Variants in PTGER3 observed in about 807,000 individuals in gnomAD.
PTGER3 encodes the protein prostaglandin E receptor 3.
In PTGER3, 22 loss-of-function variants were observed where a neutral mutation model predicts 34.7. The ratio of observed to expected loss-of-function variants is 0.63; its 90% CI spans 0.45 to 0.91. The LOEUF (loss-of-function observed/expected upper bound fraction) is 0.91. PTGER3 is among the 40% of genes least tolerant of loss of function. The pLI is 0.00. For synonymous variants in PTGER3, 241 were observed against 230.1 expected, an observed-to-expected ratio of 1.05 and a Z score of -0.43; for missense variants, 468 against 519.4, an observed-to-expected ratio of 0.90 and a Z score of 0.96.
intron 4 of PTGER3, among the ~76,000 whole-genome samples, chr1:70,889,587 A>T (rs1646573318): frequency 6.6e-6 from 1 of 152,166 alleles, no homozygotes; most frequent in Non-Finnish European, 1.5e-5. Context: ...TTCAGAGAAA[A>T]TTAAATGACC....
chr1:70,881,734 T>C (rs17131476), intron 4 of PTGER3, among the ~76,000 whole-genome samples: 18,249 of 152,168 alleles, frequency 0.12, 2,358 homozygotes, highest in African/African-American at 0.3. Flanking sequence ...TGTGTTTCTT[T>C]TGTTGGGTGT....
At chr1:70,919,765 A>G (rs1001050737) in intron 4 of PTGER3, among the ~76,000 whole-genome samples, 6 of 152,162 alleles carry the variant, frequency 3.9e-5, no homozygotes, top group African/African-American at 1.4e-4. Context: ...TGGAATTACT[A>G]TTCTATACTC....
At chr1:70,978,772 G>C (rs1653956259) in intron 2 of PTGER3, among the ~76,000 whole-genome samples, 1 of 152,116 alleles carries the variant, frequency 6.6e-6, no homozygotes, top group Non-Finnish European at 1.5e-5. Context: ...CACCATGCCA[G>C]CTGCCACCAA....
chr1:70,856,304 G>A (rs1407969441), intron 4 of PTGER3, among the ~76,000 whole-genome samples: 1 of 152,048 alleles, frequency 6.6e-6, no homozygotes, highest in Non-Finnish European at 1.5e-5. Flanking sequence ...GCTGGGTGTG[G>A]TGGCAGGGGC....
intron 4 of PTGER3, among the ~76,000 whole-genome samples, chr1:70,920,740 T>A (rs1647443176): frequency 6.6e-6 from 1 of 152,196 alleles, no homozygotes; most frequent in Non-Finnish European, 1.5e-5. Context: ...ACAAGGTAAA[T>A]GTTTCTGTTT....
chr1:70,961,110 CA>C (rs1308549363), intron 2 of PTGER3, among the ~76,000 whole-genome samples: 1 of 152,152 alleles, frequency 6.6e-6, no homozygotes, highest in African/African-American at 2.4e-5. Flanking sequence ...TGGACTGTAA[CA>C]ATGTCAAACC....
At chr1:70,910,583 T>C (rs893041245) in intron 4 of PTGER3, among the ~76,000 whole-genome samples, 3 of 152,096 alleles carry the variant, frequency 2.0e-5, no homozygotes, top group African/African-American at 7.2e-5. Context: ...TTTGAATGAA[T>C]ACCTTAAAAA....
chr1:71,010,364 A>G (rs1657333312), intron 2 of PTGER3: 3 of 984,992 alleles, frequency 3.0e-6, no homozygotes, highest in Non-Finnish European at 3.6e-6. Flanking sequence ...AAGCACTTCA[A>G]TCATATGGTA....
At position 70,923,353 on chromosome 1, in the gene PTGER3, G is replaced by T. The variant is rs556813287; in HGVS notation, c.*23+30410C>A. On this transcript the variant is annotated intron_variant, in intron 4 of 4. Coordinates refer to the PTGER3 transcript ENST00000370931. The stretch of plus-strand genomic sequence containing the variant: ...TGAAATTGCTATATGCCACAGAAGT[G>T]ACCAAATTTCCATATCAATTGTGGC... 4.6e-5 allele frequency among the ~76,000 whole-genome samples: 7 copies of T among 152,226 alleles called. No homozygotes were observed. In the South Asian group the frequency reaches 8.3e-4, roughly 18 times the overall value.
At chr1:71,020,841 G>A (rs1397334182) in intron 1 of PTGER3, among the ~76,000 whole-genome samples, 3 of 151,936 alleles carry the variant, frequency 2.0e-5, no homozygotes, top group Non-Finnish European at 4.4e-5. Flanking sequence ...TTCTAGTTTG[G>A]AGACTAGTTA....
chr1:70,871,729 A>G (rs1646167548), intron 4 of PTGER3, among the ~76,000 whole-genome samples: 1 of 152,176 alleles, frequency 6.6e-6, no homozygotes, highest in Admixed American at 6.5e-5. Context: ...CTAATGAGCT[A>G]GAGGCATACA....
At chr1:70,952,663 G>T (rs914093359) in exon 4 of PTGER3, 42 of 1,115,626 alleles carry the variant, frequency 3.8e-5, no homozygotes, top group Non-Finnish European at 4.3e-5. Flanking sequence ...TGGCAATTCT[G>T]AACCATGTGC....
intron 1 of PTGER3, among the ~76,000 whole-genome samples, chr1:71,036,456 G>T (rs1261425513): frequency 6.6e-6 from 1 of 152,176 alleles, no homozygotes; most frequent in Admixed American, 6.5e-5. Flanking sequence ...GTTCAAGGCT[G>T]CAGTGAGCTA....
At chr1:70,897,500 T>A (rs558662925) in intron 4 of PTGER3, among the ~76,000 whole-genome samples, 44 of 152,324 alleles carry the variant, frequency 2.9e-4, no homozygotes, top group African/African-American at 1.0e-3. Context: ...CTGTAGCTGA[T>A]GAATGTCAGC....
intron 1 of PTGER3, among the ~76,000 whole-genome samples, chr1:71,017,473 C>T (rs566829644): frequency 3.9e-5 from 6 of 152,190 alleles, no homozygotes; most frequent in East Asian, 3.9e-4. Context: ...GCTCTTAAGC[C>T]ACTGATATGG....
In PTGER3 at chr1:71,046,798, G is replaced by C. The variant is rs1557776743; in HGVS notation, c.780C>G (p.Cys260Trp). The change falls in exon 1 of 4, where the codon TGC (cysteine) becomes TGG (tryptophan). Residue 260 changes from cysteine to tryptophan, a missense_variant. Coordinates refer to ENST00000306666, the MANE Select transcript of PTGER3 (RefSeq NM_198719.2). ...ACTGAGATGCCGTGGCCTTGGCCCGGCAGCGGGACACCAGGGCCTTAATGG... is the reference window on the plus strand; with the variant it reads ...ACTGAGATGCCGTGGCCTTGGCCCGCCAGCGGGACACCAGGGCCTTAATGG... ...LATIKALVSR[C>W]RAKATASQSS... 1 of 1,614,088 alleles carries C rather than the reference G, an allele frequency of 6.2e-7. No individual in the cohort carries two copies.
intron 4 of PTGER3, among the ~76,000 whole-genome samples, chr1:70,903,075 A>T (rs1409162): frequency 1.3e-5 from 2 of 151,998 alleles, no homozygotes; most frequent in East Asian, 3.9e-4. Flanking sequence ...AGAAAGCAGC[A>T]GGAGATTTGA....
chr1:70,911,336 C>T (rs1647057747), intron 4 of PTGER3, among the ~76,000 whole-genome samples: 1 of 151,770 alleles, frequency 6.6e-6, no homozygotes, highest in South Asian at 2.1e-4. Flanking sequence ...GTTACAGTGA[C>T]ATTTTTGTTT....
chr1:70,999,087 CA>C (rs1486079837), intron 2 of PTGER3, among the ~76,000 whole-genome samples: 1 of 152,082 alleles, frequency 6.6e-6, no homozygotes, highest in African/African-American at 2.4e-5. Flanking sequence ...TGAATTCATT[CA>C]AATAAATGTC....
Sources: allele counts gnomAD v4.1 joint callset (sites outside exome capture counted in the v4.1 genomes callset), GRCh38; gene constraint gnomAD v4.1.1; transcripts MANE v1.5; gene names NCBI Gene and HGNC (gene_info 2026-07-23, HGNC 2026-07-21).